Variants in ADAMTS9 observed in about 807,000 individuals in gnomAD.
The protein encoded by ADAMTS9 is A disintegrin and metalloproteinase with thrombospondin motifs 9.
Under a neutral mutation model 257.1 loss-of-function variants are expected in ADAMTS9, and 107 were observed. The ratio of observed to expected loss-of-function variants is 0.42; its 90% CI spans 0.36 to 0.49. The LOEUF (loss-of-function observed/expected upper bound fraction) is 0.49. ADAMTS9 is among the 20% of genes least tolerant of loss of function. The pLI is 0.03. For missense variants in ADAMTS9, 2,353 were observed against 2,469.1 expected (o/e 0.95, Z 1.00); for synonymous variants, 982 against 880.9 (o/e 1.11, Z -2.03).
chr3:64,685,103 C>T (rs1236028556), intron 2 of ADAMTS9: 1 of 152,316 alleles, frequency 6.6e-6, no homozygotes, highest in South Asian at 2.1e-4. Flanking sequence ...CGCCCACCCC[C>T]AAACAATCTC....
chr3:64,569,920 C>A (rs747476586), intron 28 of ADAMTS9, among the ~76,000 whole-genome samples: 4 of 152,144 alleles, frequency 2.6e-5, no homozygotes, highest in Admixed American at 6.5e-5. Flanking sequence ...AAATATTCAT[C>A]ATTCAACCTG....
chr3:64,645,421 C>T (rs1700764223), intron 11 of ADAMTS9, among the ~76,000 whole-genome samples: 1 of 152,094 alleles, frequency 6.6e-6, no homozygotes, highest in Non-Finnish European at 1.5e-5. Flanking sequence ...AACATTGTGT[C>T]AGCAGCCCAA....
In ADAMTS9 at chr3:64,541,698, G is replaced by C. The variant is rs1386592167; in HGVS notation, c.5198-78C>G. On this transcript the variant is annotated intron_variant, in intron 33 of 39. Coordinates refer to ENST00000498707, the MANE Select transcript of ADAMTS9 (RefSeq NM_182920.2). ...ATCTGCCTATAGAATGAATGACATT[G>C]TTCGCACTAAAACTTTTTAGCAAAG... 3.9e-6 allele frequency: 6 copies of C among 1,555,974 alleles called. No individual in the cohort carries two copies. In the African/African-American group the frequency reaches 8.2e-5, roughly 21 times the overall value.
chr3:64,562,221 T>C (rs887600666), intron 29 of ADAMTS9, among the ~76,000 whole-genome samples: 1 of 152,176 alleles, frequency 6.6e-6, no homozygotes, highest in Non-Finnish European at 1.5e-5. Context: ...TTTAGGACTT[T>C]ATAAGTAGAA....
chr3:64,541,015 T>C, intron 36 of ADAMTS9, 80 bp downstream of exon 36: 1 of 1,572,398 alleles, frequency 6.4e-7, no homozygotes, highest in Admixed American at 1.7e-5. Flanking sequence ...ACCTCCCTGC[T>C]AGCCAATGTG....
At chr3:64,561,896 A>C in intron 29 of ADAMTS9, 145 bp from the exon 30 acceptor site, 1 of 691,364 alleles carries the variant, frequency 1.4e-6, no homozygotes, top group Non-Finnish European at 2.4e-6. Flanking sequence ...TTTGCAATGA[A>C]AGGGATCCTA....
intron 29 of ADAMTS9, 73 bp downstream of exon 29, chr3:64,568,295 C>A: frequency 6.6e-7 from 1 of 1,517,536 alleles, no homozygotes; most frequent in Non-Finnish European, 8.8e-7. Flanking sequence ...CATAGAAACA[C>A]AAGTGAACAC....
intron 28 of ADAMTS9, among the ~76,000 whole-genome samples, chr3:64,579,496 C>T (rs1192852732): frequency 6.6e-6 from 1 of 152,020 alleles, no homozygotes; most frequent in African/African-American, 2.4e-5. Context: ...ATATATTTGA[C>T]TTTTTTGTTT....
chr3:64,546,084 T>C (rs1169326117), intron 32 of ADAMTS9, among the ~76,000 whole-genome samples: 1 of 152,236 alleles, frequency 6.6e-6, no homozygotes, highest in East Asian at 1.9e-4. Context: ...ACTCCTTCTG[T>C]AACTCTTATG....
At chr3:64,674,196 T>A (rs985654616) in intron 3 of ADAMTS9, among the ~76,000 whole-genome samples, 1 of 152,142 alleles carries the variant, frequency 6.6e-6, no homozygotes, top group Non-Finnish European at 1.5e-5. Context: ...GATTTTCTAA[T>A]AATTTACCAA....
intron 19 of ADAMTS9, among the ~76,000 whole-genome samples, chr3:64,619,044 C>T (rs1700036893): frequency 6.6e-6 from 1 of 152,106 alleles, no homozygotes; most frequent in Admixed American, 6.6e-5. Flanking sequence ...TTATCTCCAC[C>T]CTCAAATTGG....
chr3:64,515,894 C>G lies in ADAMTS9; in HGVS notation c.*1233G>C, dbSNP rs1000933302. 1.3e-5 allele frequency: 2 copies of G among 152,034 alleles called. No individual in the cohort carries two copies. The highest frequency in any genetic ancestry group is 2.9e-5 in the Non-Finnish European group (2 of 68,022). 9.4% of individuals were successfully genotyped at this position (152,034 alleles called of 1,614,324 possible). A position where few individuals can be genotyped will look rare whatever the true frequency, so the allele number is the denominator to read the frequency against. ...GCTTCCCTTCATCAGCTTGGAGGGG[C>G]AGAAAGACCATGGCTTCAGCACTTC... On this transcript the variant is annotated 3_prime_UTR_variant, in exon 40 of 40. Coordinates refer to ENST00000498707, the MANE Select transcript of ADAMTS9 (RefSeq NM_182920.2).
intron 3 of ADAMTS9, among the ~76,000 whole-genome samples, chr3:64,673,848 G>C (rs1701556143): frequency 6.6e-6 from 1 of 151,960 alleles, no homozygotes; most frequent in South Asian, 2.1e-4. Context: ...AGCAAATGTA[G>C]AAAAATCTTA....
chr3:64,546,146 T>C (rs189198751), intron 32 of ADAMTS9, among the ~76,000 whole-genome samples: 144 of 152,312 alleles, frequency 9.5e-4, no homozygotes, highest in African/African-American at 3.2e-3. Flanking sequence ...AAAATATATA[T>C]AAAACATTTG....
At chr3:64,602,729 C>T (rs765942752) in intron 25 of ADAMTS9, among the ~76,000 whole-genome samples, 4 of 152,194 alleles carry the variant, frequency 2.6e-5, no homozygotes, top group Non-Finnish European at 4.4e-5. Flanking sequence ...CAATGTCAGG[C>T]CTTTTTTGAC....
chr3:64,621,793 TAAAA>T (rs371561807), intron 18 of ADAMTS9, among the ~76,000 whole-genome samples: 1 of 140,062 alleles, frequency 7.1e-6, no homozygotes, highest in Admixed American at 7.1e-5. Flanking sequence ...AATAAAAAAA[TAAAA>T]AGAAAAGAAA....
intron 19 of ADAMTS9, among the ~76,000 whole-genome samples, chr3:64,616,425 T>C (rs778312237): frequency 1.3e-5 from 2 of 152,220 alleles, no homozygotes; most frequent in Admixed American, 6.5e-5. Flanking sequence ...TTTACCCCGA[T>C]AGTCAATCTG....
intron 30 of ADAMTS9, among the ~76,000 whole-genome samples, chr3:64,557,528 G>A (rs1044987300): frequency 6.6e-6 from 1 of 152,114 alleles, no homozygotes; most frequent in African/African-American, 2.4e-5. Context: ...TGAAGCTGGC[G>A]GGTGATATTA....
intron 28 of ADAMTS9, among the ~76,000 whole-genome samples, chr3:64,576,031 T>C (rs1204382176): frequency 1.3e-5 from 2 of 152,210 alleles, no homozygotes; most frequent in African/African-American, 4.8e-5. Flanking sequence ...GGCAAAGTGC[T>C]TTTCTTTCCA....
Sources: allele counts gnomAD v4.1 joint callset (sites outside exome capture counted in the v4.1 genomes callset), GRCh38; gene constraint gnomAD v4.1.1; transcripts MANE v1.5; gene names NCBI Gene and HGNC (gene_info 2026-07-23, HGNC 2026-07-21).